The following SWAP70 variants were observed in gnomAD, a reference collection of about 807,000 sequenced individuals.
SWAP70 encodes the protein switch-associated protein 70.
SWAP70 carries 34 observed loss-of-function variants against 80.2 expected under a neutral mutation model. The observed-to-expected ratio is 0.42, with a 90% CI of 0.32 to 0.56. SWAP70 has a LOEUF of 0.56. Ranked by LOEUF, SWAP70 falls within the 20% of genes least tolerant of loss-of-function variation. The probability of loss-of-function intolerance (pLI) is 0.09; values close to 1 mark genes in which losing one functional copy is unlikely to be tolerated. For synonymous variants in SWAP70, 239 were observed against 238.5 expected, an observed-to-expected ratio of 1.00 and a Z score of -0.02; for missense variants, 578 against 690.7, an observed-to-expected ratio of 0.84 and a Z score of 1.83.
intron 1 of SWAP70, among the ~76,000 whole-genome samples, chr11:9,692,188 A>T (rs1286361484): frequency 6.7e-6 from 1 of 148,164 alleles, no homozygotes; most frequent in East Asian, 2.0e-4. Flanking sequence ...AAATAGATTG[A>T]TCTATGTGAT....
Position 9,732,669 on chromosome 11 carries a change from G to A in SWAP70, c.1039G>A (p.Ala347Thr), listed in dbSNP as rs759972644. ...LERQMKELQAANESKQQELEA... is the reference protein window; with the variant it reads ...LERQMKELQATNESKQQELEA... ...GCGACAAATGAAGGAACTCCAGGCCGCCAACGAAAGCAAGCAGCAGGAGCT... is the reference window on the plus strand; with the variant it reads ...GCGACAAATGAAGGAACTCCAGGCCACCAACGAAAGCAAGCAGCAGGAGCT... Residue 347 changes from alanine to threonine, a missense_variant, in exon 7 of 12, where the codon GCC becomes ACC. Ala to Thr is a moderately conservative substitution (Grantham distance 58, BLOSUM62 0). Transcript: ENST00000318950. 9.0e-6 allele frequency: 14 copies of A among 1,562,388 alleles called. No homozygotes were observed. In the East Asian group the frequency reaches 9.6e-5, roughly 11 times the overall value.
chr11:9,666,828 G>A (rs971527243), intron 1 of SWAP70, among the ~76,000 whole-genome samples: 2 of 150,110 alleles, frequency 1.3e-5, no homozygotes, highest in African/African-American at 2.5e-5. Flanking sequence ...GGGTTCAAGC[G>A]ATTCTCCTGC....
chr11:9,737,781 G>A (rs866188800), intron 7 of SWAP70, among the ~76,000 whole-genome samples: 3 of 152,138 alleles, frequency 2.0e-5, no homozygotes, highest in East Asian at 1.9e-4. Context: ...CTGTAGTCCC[G>A]GCTACTCGGG....
rs1406373247 is a variant in SWAP70 at position 9,750,998 on chromosome 11, C to G, written c.*1028C>G. ...TCAACCTAATTTTCTCTCGTACTCTCTCTAGTGAATGATGTGCTACCAAGT... is the reference window on the plus strand; with the variant it reads ...TCAACCTAATTTTCTCTCGTACTCTGTCTAGTGAATGATGTGCTACCAAGT... On this transcript the variant is annotated 3_prime_UTR_variant, in exon 12 of 12. Transcript: ENST00000318950. The G allele has an allele frequency of 6.6e-6, 1 of 152,198 alleles. No homozygotes were observed. The highest frequency in any genetic ancestry group is 1.9e-4 in the East Asian group (1 of 5,202). The allele number at this position is 152,198 out of a possible 1,614,324, so 9.4% of individuals were successfully genotyped here.
At chr11:9,695,103 A>G (rs1850738888) in intron 2 of SWAP70, among the ~76,000 whole-genome samples, 1 of 152,204 alleles carries the variant, frequency 6.6e-6, no homozygotes, top group Non-Finnish European at 1.5e-5. Flanking sequence ...AACCTGACCA[A>G]TATGATGAAA....
intron 3 of SWAP70, among the ~76,000 whole-genome samples, chr11:9,719,490 G>T (rs1031293690): frequency 1.3e-5 from 2 of 152,076 alleles, no homozygotes; most frequent in African/African-American, 2.4e-5. Context: ...GGAGGTTGCA[G>T]TGAGCCGAGA....
In SWAP70 at chr11:9,752,636, C is replaced by T. The variant is rs565416757; in HGVS notation, c.*2666C>T. 1 of 152,146 alleles carries T rather than the reference C, an allele frequency of 6.6e-6. No individual in the cohort carries two copies. Among genetic ancestry groups the T allele is most frequent in the Admixed American group, 6.5e-5 (1 of 15,286 alleles). The allele number at this position is 152,146 out of a possible 1,614,324, so 9.4% of individuals were successfully genotyped here. ...AGGGCCAACAGAACTCTTGGTTTTA[C>T]TTTTGTAATTACTGTACAGAAAATT... is the stretch of plus-strand genomic sequence containing the variant. On this transcript the variant is annotated 3_prime_UTR_variant, in exon 12 of 12. Coordinates refer to ENST00000318950, the MANE Select transcript of SWAP70 (RefSeq NM_015055.4).
chr11:9,700,959 G>A (rs2134455226), intron 2 of SWAP70, among the ~76,000 whole-genome samples: 1 of 152,108 alleles, frequency 6.6e-6, no homozygotes, highest in South Asian at 2.1e-4. Context: ...GGTTGTTTTA[G>A]GGGTTTTCTG....
rs74582098 is a variant in SWAP70 at position 9,700,527 on chromosome 11, T to C, written c.240+6241T>C. Among the ~76,000 whole-genome samples, 23 of 152,350 alleles carry C rather than the reference T, an allele frequency of 1.5e-4. No homozygotes were observed. The East Asian group carries it at 4.2e-3, about 28-fold the overall frequency. On this transcript the variant is annotated intron_variant, in intron 2 of 11. Coordinates refer to ENST00000318950, the MANE Select transcript of SWAP70 (RefSeq NM_015055.4). ...TGCAAGGTATGCTGTCATGTATACA[T>C]ACTGTCTCATTTGATCTTCATGTTA...
Position 9,751,996 on chromosome 11 carries a change from C to A in SWAP70, c.*2026C>A, listed in dbSNP as rs183542728. Reference sequence around the variant, plus strand: ...AACGAGACTTAGGTAAGGAATGGAACCTTTCCTGTGGTTTGACTGCACATT... The same window carrying A: ...AACGAGACTTAGGTAAGGAATGGAAACTTTCCTGTGGTTTGACTGCACATT... On this transcript the variant is annotated 3_prime_UTR_variant, in exon 12 of 12. Transcript: ENST00000318950. 5 of 152,232 alleles carry A rather than the reference C, an allele frequency of 3.3e-5. No individual in the cohort carries two copies. In the East Asian group the frequency reaches 9.6e-4, roughly 29 times the overall value. The allele number at this position is 152,232 out of a possible 1,614,324, so 9.4% of individuals were successfully genotyped here.
chr11:9,730,497 A>T (rs1851283795), intron 6 of SWAP70, among the ~76,000 whole-genome samples: 1 of 152,206 alleles, frequency 6.6e-6, no homozygotes, highest in African/African-American at 2.4e-5. Flanking sequence ...GTATGCACAC[A>T]CTACAACTGT....
intron 9 of SWAP70, 66 bp downstream of exon 9, chr11:9,740,413 T>A: frequency 6.7e-7 from 1 of 1,485,310 alleles, no homozygotes; most frequent in Non-Finnish European, 9.4e-7. Flanking sequence ...TTTCTTGGAA[T>A]GACTAACACT....
chr11:9,720,944 T>C (rs1851126773), intron 3 of SWAP70, among the ~76,000 whole-genome samples: 1 of 152,102 alleles, frequency 6.6e-6, no homozygotes, highest in Admixed American at 6.6e-5. Context: ...GCCTCCCGAG[T>C]AGCTAGGATT....
At chr11:9,720,372 T>C in intron 3 of SWAP70, 2 of 985,406 alleles carry the variant, frequency 2.0e-6, no homozygotes, top group South Asian at 9.4e-5. Context: ...GCAAGCTACT[T>C]CTAGAGCTGA....
chr11:9,678,300 CTTT>C (rs1850525232), intron 1 of SWAP70, among the ~76,000 whole-genome samples: 1 of 151,946 alleles, frequency 6.6e-6, no homozygotes, highest in South Asian at 2.1e-4. Flanking sequence ...AGCCTAAAGT[CTTT>C]GTAAATATTT....
At chr11:9,714,176 C>T (rs981063149) in intron 3 of SWAP70, among the ~76,000 whole-genome samples, 1 of 152,164 alleles carries the variant, frequency 6.6e-6, no homozygotes, top group Admixed American at 6.5e-5. Flanking sequence ...TGCTATCTAA[C>T]TGTCCTAAAA....
rs1169407179 is a variant in SWAP70, at chr11:9,732,762, C to T, written c.1080+52C>T. Reference sequence around the variant, plus strand: ...GGGCCCTTCATTCCCCTGCAGAAGCCATCGTGCCTTGCTTAGGGGTGTTGG... The same window carrying T: ...GGGCCCTTCATTCCCCTGCAGAAGCTATCGTGCCTTGCTTAGGGGTGTTGG... On this transcript the variant is annotated intron_variant, in intron 7 of 11. Coordinates refer to ENST00000318950, the MANE Select transcript of SWAP70 (RefSeq NM_015055.4). 3.4e-6 allele frequency: 5 copies of T among 1,482,520 alleles called. No homozygotes were observed. In the African/African-American group the frequency reaches 4.3e-5, roughly 13 times the overall value. 91.8% of individuals were successfully genotyped at this position (1,482,520 alleles called of 1,614,324 possible).
In SWAP70 at chr11:9,665,730, ATAT is replaced by A. The variant is rs1248796157; in HGVS notation, c.99+1454_99+1456del. ...CAATAATTTTTTAAATTGCTAAGTA[ATAT>A]TCTATTGCATGGATGTATGGTAGTT... On this transcript the variant is annotated intron_variant, in intron 1 of 11. Coordinates refer to ENST00000318950, the MANE Select transcript of SWAP70 (RefSeq NM_015055.4). 8.5e-5 allele frequency among the ~76,000 whole-genome samples: 13 copies of A among 152,330 alleles called. 1 individual carries two copies. In the South Asian group the frequency reaches 2.1e-3, roughly 24 times the overall value.
At chr11:9,676,899 T>C (rs1000617462) in intron 1 of SWAP70, among the ~76,000 whole-genome samples, 1 of 152,046 alleles carries the variant, frequency 6.6e-6, no homozygotes, top group Non-Finnish European at 1.5e-5. Context: ...GTGATCCGCC[T>C]GCCTCGGCCT....
Sources: gnomAD v4.1 joint callset for allele counts (sites outside exome capture counted in the v4.1 genomes callset) on GRCh38, gnomAD v4.1.1 for gene constraint, MANE v1.5 for transcripts, NCBI Gene and HGNC (gene_info 2026-07-23, HGNC 2026-07-21) for gene names.